The following DOCK2 variants were observed in gnomAD, a reference collection of about 807,000 sequenced individuals.
DOCK2 encodes dedicator of cytokinesis 2.
DOCK2 carries 87 observed loss-of-function variants against 248.9 expected under a neutral mutation model. The observed-to-expected ratio is 0.35, with a 90% CI of 0.29 to 0.42. DOCK2 has a LOEUF of 0.42. Among genes scored for constraint, DOCK2 ranks in the 10% least tolerant of loss-of-function variants. The pLI is 1.00. For synonymous variants in DOCK2, 805 were observed against 821.6 expected, an observed-to-expected ratio of 0.98 and a Z score of 0.35; for missense variants, 1,747 against 2,300.2, an observed-to-expected ratio of 0.76 and a Z score of 4.92.
At chr5:169,739,639 C>T (rs754074064) in intron 22 of DOCK2, among the ~76,000 whole-genome samples, 45 of 152,180 alleles carry the variant, frequency 3.0e-4, no homozygotes, top group Non-Finnish European at 5.0e-4. Context: ...CGTGTGTCTG[C>T]GTAATCATCT....
At chr5:169,707,121 A>C (rs933485984) in intron 14 of DOCK2, among the ~76,000 whole-genome samples, 4 of 152,218 alleles carry the variant, frequency 2.6e-5, no homozygotes, top group Non-Finnish European at 4.4e-5. Context: ...TATAAAAACC[A>C]CACTTCGGGC....
intron 22 of DOCK2, among the ~76,000 whole-genome samples, chr5:169,734,687 T>C (rs1477006634): frequency 6.6e-6 from 1 of 152,246 alleles, no homozygotes; most frequent in Non-Finnish European, 1.5e-5. Flanking sequence ...TGCGTTTTTC[T>C]TCTACATACA....
intron 2 of DOCK2, among the ~76,000 whole-genome samples, chr5:169,663,942 G>A (rs1758584948): frequency 1.3e-5 from 2 of 152,136 alleles, no homozygotes; most frequent in Admixed American, 6.5e-5. Context: ...ACAGAAAATG[G>A]GTTTTTCTTT....
rs1216267573 is a variant in DOCK2 at position 169,803,068 on chromosome 5, C to T, written c.2565C>T (p.Asp855=). ...SNLFKKQECR[D]ILLPVITKEL... ...CTGTCTTTATTCCAGAATGCCGGGACATTCTGCTTCCTGTCATCACCAAAG... is the reference window on the plus strand; with the variant it reads ...CTGTCTTTATTCCAGAATGCCGGGATATTCTGCTTCCTGTCATCACCAAAG... The change falls in exon 26 of 52, where the codon GAC becomes GAT. Residue 855 remains aspartate, a synonymous_variant. Coordinates refer to ENST00000520908, the MANE Select transcript of DOCK2 (RefSeq NM_004946.3). The T allele has an allele frequency of 2.5e-6, 4 of 1,614,104 alleles. No homozygotes were observed. Among genetic ancestry groups the T allele is most frequent in the Middle Eastern group, 1.7e-4 (1 of 6,060 alleles).
Position 170,042,154 on chromosome 5 carries a change from C to G in DOCK2, c.3876+22C>G, listed in dbSNP as rs367988333. 127 of 1,590,698 alleles carry G rather than the reference C, an allele frequency of 8.0e-5. No homozygotes were observed. In the African/African-American group the frequency reaches 1.4e-3, roughly 18 times the overall value. On this transcript the variant is annotated intron_variant, in intron 38 of 51. Transcript: ENST00000520908. ...AAAGGTAATCTGTCCCTGCCCACCC[C>G]CCGTGGGGACCCTGGCCACTGGAAG...
At chr5:169,888,694 A>G (rs1027916501) in intron 27 of DOCK2, among the ~76,000 whole-genome samples, 2 of 152,140 alleles carry the variant, frequency 1.3e-5, no homozygotes, top group African/African-American at 4.8e-5. Context: ...CTGACTATTG[A>G]CTTGGAACAA....
chr5:169,774,751 G>A (rs1276751325), intron 25 of DOCK2, among the ~76,000 whole-genome samples: 1 of 152,148 alleles, frequency 6.6e-6, no homozygotes, highest in African/African-American at 2.4e-5. Flanking sequence ...ACCTTCACTT[G>A]TATTTTTACA....
At chr5:169,842,848 T>C (rs749546700) in intron 27 of DOCK2, among the ~76,000 whole-genome samples, 1 of 152,218 alleles carries the variant, frequency 6.6e-6, no homozygotes, top group Non-Finnish European at 1.5e-5. Flanking sequence ...AAGTAACTAC[T>C]CAGTACTGCC....
At chr5:169,968,634 A>C (rs548972404) in intron 27 of DOCK2, among the ~76,000 whole-genome samples, 1 of 152,380 alleles carries the variant, frequency 6.6e-6, no homozygotes, top group South Asian at 2.1e-4. Context: ...TGCAAAGCTC[A>C]CAACTGCAGA....
chr5:169,644,619 CTT>C (rs748896053), intron 1 of DOCK2, among the ~76,000 whole-genome samples: 22 of 139,966 alleles, frequency 1.6e-4, no homozygotes, highest in South Asian at 2.3e-4. Flanking sequence ...TACCACGGTA[CTT>C]TTTTTTTTTT....
intron 27 of DOCK2, among the ~76,000 whole-genome samples, chr5:169,870,424 G>A (rs1771880270): frequency 1.3e-5 from 2 of 152,146 alleles, no homozygotes; most frequent in Admixed American, 6.5e-5. Flanking sequence ...AAACAACAGA[G>A]CGAGGTTCTG....
intron 27 of DOCK2, among the ~76,000 whole-genome samples, chr5:169,876,447 G>A (rs554091450): frequency 6.6e-6 from 1 of 152,358 alleles, no homozygotes; most frequent in East Asian, 1.9e-4. Context: ...AGAGAAGGGA[G>A]ATATTTTCAC....
intron 27 of DOCK2, among the ~76,000 whole-genome samples, chr5:169,922,349 A>C (rs1227335522): frequency 6.6e-6 from 1 of 152,246 alleles, no homozygotes; most frequent in Non-Finnish European, 1.5e-5. Context: ...ATACCAAGAA[A>C]TAATGTTAAT....
At chr5:169,770,479 T>G (rs563602665) in intron 25 of DOCK2, among the ~76,000 whole-genome samples, 1 of 152,032 alleles carries the variant, frequency 6.6e-6, no homozygotes, top group African/African-American at 2.4e-5. Flanking sequence ...AAAAAAAACT[T>G]TGTAGAGATA....
intron 27 of DOCK2, among the ~76,000 whole-genome samples, chr5:169,941,921 C>G (rs1398574273): frequency 1.3e-5 from 2 of 152,206 alleles, no homozygotes; most frequent in Non-Finnish European, 2.9e-5. Flanking sequence ...AATGTCAAGT[C>G]CCATCCTTTC....
chr5:169,989,013 C>T (rs1327355786), intron 29 of DOCK2, among the ~76,000 whole-genome samples: 1 of 152,164 alleles, frequency 6.6e-6, no homozygotes, highest in African/African-American at 2.4e-5. Flanking sequence ...ACTTTTCTTC[C>T]TTCCTTCCAT....
chr5:169,870,564 TG>T (rs111883617), intron 27 of DOCK2, among the ~76,000 whole-genome samples: 3 of 152,010 alleles, frequency 2.0e-5, no homozygotes, highest in African/African-American at 2.4e-5. Context: ...TTTAGATCTG[TG>T]GGTTTTTTTC....
At chr5:169,777,971 A>G (rs541186719) in intron 25 of DOCK2, among the ~76,000 whole-genome samples, 1 of 152,300 alleles carries the variant, frequency 6.6e-6, no homozygotes, top group South Asian at 2.1e-4. Flanking sequence ...CATTTCTCAA[A>G]TGAGAAGCTT....
chr5:169,687,197 A>G (rs941463457), intron 8 of DOCK2, among the ~76,000 whole-genome samples: 1 of 152,236 alleles, frequency 6.6e-6, no homozygotes, highest in Admixed American at 6.5e-5. Context: ...ACAACAGTAC[A>G]GAAATTACCA....
Sources: gnomAD v4.1 joint callset for allele counts (sites outside exome capture counted in the v4.1 genomes callset) on GRCh38, gnomAD v4.1.1 for gene constraint, MANE v1.5 for transcripts, NCBI Gene and HGNC (gene_info 2026-07-23, HGNC 2026-07-21) for gene names.